The following PARD3 variants were observed in gnomAD, a reference collection of about 807,000 sequenced individuals.
PARD3 encodes the protein par-3 family cell polarity regulator, also known as partitioning defective 3 homolog.
In PARD3, 75 loss-of-function variants were observed where a neutral mutation model predicts 155.4. That is an observed-to-expected ratio of 0.48 (90% CI 0.40 to 0.58). The LOEUF (loss-of-function observed/expected upper bound fraction) is 0.58. Among genes scored for constraint, PARD3 ranks in the 20% least tolerant of loss-of-function variants. The probability of loss-of-function intolerance (pLI) is 0.00; values close to 1 mark genes in which losing one functional copy is unlikely to be tolerated. For synonymous variants in PARD3, 576 were observed against 610.5 expected (o/e 0.94, Z 0.83); for missense variants, 1,642 against 1,721.7 (o/e 0.95, Z 0.82).
chr10:34,453,103 C>A (rs2077145957), intron 4 of PARD3, among the ~76,000 whole-genome samples: 2 of 152,194 alleles, frequency 1.3e-5, no homozygotes, highest in Non-Finnish European at 2.9e-5. Flanking sequence ...AAACCTCCAG[C>A]AAACACTATA....
intron 2 of PARD3, among the ~76,000 whole-genome samples, chr10:34,612,790 A>C (rs1240522837): frequency 6.6e-6 from 1 of 152,236 alleles, no homozygotes; most frequent in African/African-American, 2.4e-5. Context: ...GGATATCATT[A>C]TTCTCATTTT....
At chr10:34,292,144 G>A (rs999398855) in intron 20 of PARD3, among the ~76,000 whole-genome samples, 6 of 152,118 alleles carry the variant, frequency 3.9e-5, no homozygotes, top group African/African-American at 9.7e-5. Context: ...GCAGAAGCAC[G>A]TCAAACTGCC....
At chr10:34,331,047 C>T (rs1835565648) in intron 19 of PARD3, 70 bp downstream of exon 19, 3 of 1,187,342 alleles carry the variant, frequency 2.5e-6, no homozygotes, top group Non-Finnish European at 3.7e-6. Context: ...AACTCCAGGG[C>T]TCCCTGGAGC....
intron 24 of PARD3, among the ~76,000 whole-genome samples, chr10:34,113,851 G>T (rs1197677723): frequency 6.6e-6 from 1 of 152,162 alleles, no homozygotes; most frequent in East Asian, 1.9e-4. Flanking sequence ...TGGGGAGAAA[G>T]AAATGAAATA....
intron 21 of PARD3, among the ~76,000 whole-genome samples, chr10:34,272,996 G>C (rs915622560): frequency 5.9e-5 from 9 of 152,188 alleles, no homozygotes; most frequent in Admixed American, 5.9e-4. Context: ...AGGGAAACCG[G>C]GCTTCTCATA....
At chr10:34,653,398 C>A (rs1320291800) in intron 2 of PARD3, among the ~76,000 whole-genome samples, 2 of 152,082 alleles carry the variant, frequency 1.3e-5, no homozygotes, top group Admixed American at 6.5e-5. Flanking sequence ...AGTCCCTCAA[C>A]AAAAACAGGT....
intron 1 of PARD3, among the ~76,000 whole-genome samples, chr10:34,773,549 G>A (rs1305047741): frequency 6.6e-6 from 1 of 152,200 alleles, no homozygotes; most frequent in Non-Finnish European, 1.5e-5. Context: ...GCTGTTCCGA[G>A]AAGATGCAGT....
At chr10:34,455,537 CTG>C (rs1377503773) in intron 4 of PARD3, among the ~76,000 whole-genome samples, 2 of 151,546 alleles carry the variant, frequency 1.3e-5, no homozygotes, top group Non-Finnish European at 2.9e-5. Flanking sequence ...GTTGCCGAGG[CTG>C]GAGCCTCGGC....
intron 3 of PARD3, among the ~76,000 whole-genome samples, chr10:34,475,155 G>C (rs1216932320): frequency 6.6e-6 from 1 of 152,096 alleles, no homozygotes; most frequent in Non-Finnish European, 1.5e-5. Context: ...ACCATTTTAG[G>C]AGTGAAAATG....
chr10:34,681,728 TTTTA>T (rs1191885497), intron 2 of PARD3, among the ~76,000 whole-genome samples: 22 of 65,544 alleles, frequency 3.4e-4, no homozygotes, highest in South Asian at 1.7e-3. Context: ...TACGTATGTA[TTTTA>T]TATATATATA....
At chr10:34,797,299 T>C (rs910873884) in intron 1 of PARD3, among the ~76,000 whole-genome samples, 2 of 152,164 alleles carry the variant, frequency 1.3e-5, no homozygotes, top group Non-Finnish European at 1.5e-5. Flanking sequence ...TACAGGTGCA[T>C]GCCATCCCGC....
intron 2 of PARD3, among the ~76,000 whole-genome samples, chr10:34,655,951 T>C (rs1457040906): frequency 6.6e-6 from 1 of 152,176 alleles, no homozygotes; most frequent in African/African-American, 2.4e-5. Flanking sequence ...AGTTCTGAAC[T>C]GAATTAAAAA....
At chr10:34,330,141 T>G (rs534418793) in intron 19 of PARD3, among the ~76,000 whole-genome samples, 3 of 152,264 alleles carry the variant, frequency 2.0e-5, no homozygotes, top group Admixed American at 2.0e-4. Flanking sequence ...TGAGTCACAT[T>G]TGAGGTTAAA....
chr10:34,640,746 G>T, intron 2 of PARD3, among the ~76,000 whole-genome samples: 1 of 73,916 alleles, frequency 1.4e-5, no homozygotes, highest in Non-Finnish European at 3.3e-5. Context: ...AGCACTTTTA[G>T]GGAACACAAT....
rs60113552 is a variant in PARD3, at chr10:34,651,011, CAAAAAAAAAAAAAAAAA to C, written c.222+45290_222+45306del. ...GGGCAACAAGAACGAAACTCTGTCT[CAAAAAAAAAAAAAAAAA>C]AAAAAAAAAAAAAAAAAAAAAGGCA... On this transcript the variant is annotated intron_variant, in intron 2 of 24. Transcript: ENST00000374788. 2.2e-3 allele frequency among the ~76,000 whole-genome samples: 97 copies of C among 44,538 alleles called. 1 individual carries two copies. The highest frequency in any genetic ancestry group is 0.016 in the Middle Eastern group (1 of 62). The allele number at this position is 44,538 out of a possible 152,430, so 29.2% of individuals were successfully genotyped here.
chr10:34,606,877 G>A (rs1395769553), intron 2 of PARD3, among the ~76,000 whole-genome samples: 2 of 147,966 alleles, frequency 1.4e-5, no homozygotes, highest in African/African-American at 5.0e-5. Context: ...TGAGGCAGGA[G>A]AATCGCTTGA....
chr10:34,266,118 T>C (rs994842243), intron 22 of PARD3, among the ~76,000 whole-genome samples: 3 of 152,220 alleles, frequency 2.0e-5, no homozygotes, highest in African/African-American at 7.2e-5. Context: ...GGTTGTATAA[T>C]GGTTGTCAAC....
chr10:34,572,072 A>G (rs780309854), intron 2 of PARD3, among the ~76,000 whole-genome samples: 4 of 152,220 alleles, frequency 2.6e-5, no homozygotes, highest in Non-Finnish European at 5.9e-5. Flanking sequence ...GAATTACTAG[A>G]TCAAGCAACT....
chr10:34,202,226 T>C lies in PARD3; in HGVS notation c.3419+67431A>G, dbSNP rs770376448. Among the ~76,000 whole-genome samples, 11 of 152,176 alleles carry C rather than the reference T, an allele frequency of 7.2e-5. No homozygotes were observed. The South Asian group carries it at 2.3e-3, about 32-fold the overall frequency. ...GTAGTGGAATTACAGGCACATACCA[T>C]AATACCCGGCTAATTTTTAAATCTT... On this transcript the variant is annotated intron_variant, in intron 22 of 24. Transcript: ENST00000374788.
Sources: gnomAD v4.1 joint callset for allele counts (sites outside exome capture counted in the v4.1 genomes callset) on GRCh38, gnomAD v4.1.1 for gene constraint, MANE v1.5 for transcripts, NCBI Gene and HGNC (gene_info 2026-07-23, HGNC 2026-07-21) for gene names.